Variants in ZNRF1 observed in about 807,000 individuals in gnomAD.
The protein encoded by ZNRF1 is zinc and ring finger 1, also known as E3 ubiquitin-protein ligase ZNRF1.
ZNRF1 carries 3 observed loss-of-function variants against 18.4 expected under a neutral mutation model. The ratio of observed to expected loss-of-function variants is 0.16; its 90% CI spans 0.07 to 0.42. ZNRF1 has a LOEUF of 0.42. ZNRF1 is among the 10% of genes least tolerant of loss of function. The pLI is 0.99. For missense variants in ZNRF1, 310 were observed against 329.8 expected (o/e 0.94, Z 0.47); for synonymous variants, 157 against 144.2 (o/e 1.09, Z -0.64).
At chr16:75,029,927 G>T (rs1459025259) in intron 1 of ZNRF1, among the ~76,000 whole-genome samples, 1 of 151,920 alleles carries the variant, frequency 6.6e-6, no homozygotes, top group Non-Finnish European at 1.5e-5. Context: ...GTGTTGTGTT[G>T]TGGTGAATGC....
At chr16:75,069,475 G>A (rs1013420533) in intron 1 of ZNRF1, among the ~76,000 whole-genome samples, 1 of 152,084 alleles carries the variant, frequency 6.6e-6, no homozygotes, top group Non-Finnish European at 1.5e-5. Flanking sequence ...GTACAGTGGC[G>A]CGATCTCGGC....
At chr16:75,106,334 T>C in intron 3 of ZNRF1, 148 bp from the exon 4 acceptor site, 1 of 724,630 alleles carries the variant, frequency 1.4e-6, no homozygotes, top group Non-Finnish European at 2.3e-6. Context: ...AAAGTAGGGA[T>C]ATCTGGGGAC....
rs2036342661 is a variant in ZNRF1, at chr16:75,108,472, A to T, written c.*772A>T. ...TTTTTTTCAGAAAACTTAAACAAAAAAAGACTTACTAAGAAATATGTACAG... is the reference window on the plus strand; with the variant it reads ...TTTTTTTCAGAAAACTTAAACAAAATAAGACTTACTAAGAAATATGTACAG... On this transcript the variant is annotated 3_prime_UTR_variant, in exon 5 of 5. Transcript: ENST00000335325. 2.5e-6 allele frequency: 1 copy of T among 398,242 alleles called. No individual in the cohort carries two copies. The highest frequency in any genetic ancestry group is 2.1e-5 in the African/African-American group (1 of 48,598). The allele number at this position is 398,242 out of a possible 1,614,324, so 24.7% of individuals were successfully genotyped here. A position where few individuals can be genotyped will look rare whatever the true frequency, so the allele number is the denominator to read the frequency against.
At chr16:75,031,884 G>C (rs1457563657) in intron 1 of ZNRF1, among the ~76,000 whole-genome samples, 1 of 152,078 alleles carries the variant, frequency 6.6e-6, no homozygotes, top group Non-Finnish European at 1.5e-5. Flanking sequence ...GAAATGCTGG[G>C]TAACTTTAAT....
intron 1 of ZNRF1, 197 bp downstream of exon 1, chr16:75,000,292 AT>A: frequency 2.4e-6 from 2 of 821,158 alleles, no homozygotes; most frequent in Non-Finnish European, 4.0e-6. Context: ...GAGCCTGGCG[AT>A]TTAGGGACTC....
In ZNRF1 at chr16:74,999,817, G is replaced by C. The variant is rs1056221820; in HGVS notation, c.146G>C (p.Arg49Pro). ...GGCGGGGCCATGGGGCTGCGCAGCC[G>C]CTCGGTCAGCTCGGTGGCAGGCATG... ...TGGGAMGLRS[R>P]SVSSVAGMGM... Residue 49 changes from arginine to proline, a missense_variant, in exon 1 of 5, where the codon CGC (arginine) becomes CCC (proline). By Grantham distance (103) the Arg-to-Pro change is moderately radical. Coordinates refer to ENST00000335325, the MANE Select transcript of ZNRF1 (RefSeq NM_032268.5). 2.8e-6 allele frequency: 4 copies of C among 1,447,382 alleles called. No homozygotes were observed. The highest frequency in any genetic ancestry group is 3.6e-6 in the Non-Finnish European group (4 of 1,105,442). 89.7% of individuals were successfully genotyped at this position (1,447,382 alleles called of 1,614,324 possible).
intron 1 of ZNRF1, among the ~76,000 whole-genome samples, chr16:75,092,575 A>G (rs1041885115): frequency 2.6e-5 from 4 of 152,268 alleles, no homozygotes; most frequent in African/African-American, 9.6e-5. Flanking sequence ...AAAATTAGAA[A>G]TAATTCATCT....
intron 2 of ZNRF1, among the ~76,000 whole-genome samples, chr16:75,096,052 ATGTGTGCACGTGTGTG>A (rs1479914482): frequency 1.8e-5 from 2 of 110,010 alleles, no homozygotes; most frequent in Admixed American, 1.9e-4. Flanking sequence ...GTGTTTCTGT[ATGTGTGCACGTGTGTG>A]TGTGTGTGTG....
chr16:75,104,764 C>T lies in ZNRF1; in HGVS notation c.521-20C>T. On this transcript the variant is annotated intron_variant, in intron 2 of 4. Coordinates refer to ENST00000335325, the MANE Select transcript of ZNRF1 (RefSeq NM_032268.5). The stretch of plus-strand genomic sequence containing the variant: ...CACTGGTGACTAACCCTCCTGCACT[C>T]TCCCCTGTCCCCCTTGCAGATGATG... 1.3e-6 allele frequency: 2 copies of T among 1,579,226 alleles called. No homozygotes were observed. Among genetic ancestry groups the T allele is most frequent in the Non-Finnish European group, 1.7e-6 (2 of 1,162,388 alleles).
At chr16:75,099,297 C>G (rs1252543011) in intron 2 of ZNRF1, among the ~76,000 whole-genome samples, 1 of 152,124 alleles carries the variant, frequency 6.6e-6, no homozygotes, top group Non-Finnish European at 1.5e-5. Context: ...CTCTTTTGCT[C>G]CTCCTCCCAG....
At chr16:75,016,147 C>T (rs906288310) in intron 1 of ZNRF1, among the ~76,000 whole-genome samples, 2 of 151,856 alleles carry the variant, frequency 1.3e-5, no homozygotes, top group East Asian at 3.9e-4. Flanking sequence ...GTCTTGATCT[C>T]CTGACCTCGT....
chr16:75,032,947 A>G (rs779838876), intron 1 of ZNRF1, among the ~76,000 whole-genome samples: 2 of 152,168 alleles, frequency 1.3e-5, no homozygotes, highest in Non-Finnish European at 2.9e-5. Flanking sequence ...AAGGTGTTCA[A>G]GGCTGTAGTG....
chr16:75,021,635 C>T (rs1373358755), intron 1 of ZNRF1, among the ~76,000 whole-genome samples: 2 of 152,158 alleles, frequency 1.3e-5, no homozygotes, highest in Non-Finnish European at 2.9e-5. Context: ...TGTTTCTCAG[C>T]AATTAGATGA....
intron 1 of ZNRF1, among the ~76,000 whole-genome samples, chr16:75,090,597 A>C (rs2036125767): frequency 6.6e-6 from 1 of 152,134 alleles, no homozygotes; most frequent in East Asian, 1.9e-4. Context: ...GCTCCACCAA[A>C]GTCCTTGGAT....
At chr16:75,013,723 TTTCA>T (rs1417555841) in intron 1 of ZNRF1, among the ~76,000 whole-genome samples, 14 of 152,246 alleles carry the variant, frequency 9.2e-5, no homozygotes, top group Non-Finnish European at 1.8e-4. Flanking sequence ...ATTTGTGCTA[TTTCA>T]ATTTGGTTCA....
chr16:75,044,524 C>T (rs1460528233), intron 1 of ZNRF1, among the ~76,000 whole-genome samples: 1 of 151,270 alleles, frequency 6.6e-6, no homozygotes, highest in African/African-American at 2.4e-5. Context: ...GCCACTGCAC[C>T]CAGCCATTTT....
intron 2 of ZNRF1, among the ~76,000 whole-genome samples, chr16:75,103,417 GA>G (rs1413797144): frequency 1.3e-5 from 2 of 152,100 alleles, no homozygotes; most frequent in Non-Finnish European, 2.9e-5. Context: ...CGCCCCAAAA[GA>G]AAACCTCTGG....
rs2034807092 is a variant in ZNRF1, at chr16:74,999,525, T to C, written c.-147T>C. 1 of 583,650 alleles carries C rather than the reference T, an allele frequency of 1.7e-6. No homozygotes were observed. Among genetic ancestry groups the C allele is most frequent in the Admixed American group, 4.3e-5 (1 of 23,064 alleles). 36.2% of individuals were successfully genotyped at this position (583,650 alleles called of 1,614,324 possible). The stretch of plus-strand genomic sequence containing the variant: ...TTCCGCCCCGCGGGTTTTTTCCTTT[T>C]TTCCTTTTGCTTTTTTTCCTTTTCT... On this transcript the variant is annotated 5_prime_UTR_variant, in exon 1 of 5. Transcript: ENST00000335325.
chr16:75,015,752 T>G (rs1039542988), intron 1 of ZNRF1, among the ~76,000 whole-genome samples: 3 of 151,970 alleles, frequency 2.0e-5, no homozygotes, highest in Admixed American at 6.6e-5. Context: ...TCCGACTGAT[T>G]CAAAGTACTG....
Sources: gnomAD v4.1 joint callset for allele counts (sites outside exome capture counted in the v4.1 genomes callset) on GRCh38, gnomAD v4.1.1 for gene constraint, MANE v1.5 for transcripts, NCBI Gene and HGNC (gene_info 2026-07-23, HGNC 2026-07-21) for gene names.